The following CAPN7 variants were observed in gnomAD, a reference collection of about 807,000 sequenced individuals.
CAPN7 encodes calpain 7.
CAPN7 carries 72 observed loss-of-function variants against 115.2 expected under a neutral mutation model. The ratio of observed to expected loss-of-function variants is 0.63; its 90% CI spans 0.52 to 0.76. The LOEUF (loss-of-function observed/expected upper bound fraction) is 0.76, where lower values mean the gene tolerates loss of function less well. Ranked by LOEUF, CAPN7 falls within the 30% of genes least tolerant of loss-of-function variation. The pLI is 0.00. For synonymous variants in CAPN7, 344 were observed against 322.3 expected, an observed-to-expected ratio of 1.07 and a Z score of -0.72; for missense variants, 905 against 971.5, an observed-to-expected ratio of 0.93 and a Z score of 0.91.
chr3:15,223,352 A>T (rs143004596), intron 5 of CAPN7, 123 bp from the exon 6 acceptor site: 2 of 655,490 alleles, frequency 3.1e-6, no homozygotes, highest in African/African-American at 3.7e-5. Context: ...TATCAACAAC[A>T]TGAGGTTGTC....
chr3:15,224,032 C>T (rs1241665664), intron 6 of CAPN7, among the ~76,000 whole-genome samples: 2 of 152,068 alleles, frequency 1.3e-5, no homozygotes, highest in East Asian at 1.9e-4. Flanking sequence ...TTCAGGAGTC[C>T]GAGCTTGTAG....
intron 4 of CAPN7, 31 bp from the exon 5 acceptor site, chr3:15,220,749 CT>C: frequency 6.2e-6 from 10 of 1,601,022 alleles, no homozygotes; most frequent in Non-Finnish European, 7.7e-6. Context: ...AGTAGAAAAA[CT>C]AGAACAGTTG....
chr3:15,234,912 G>T (rs979679123), intron 11 of CAPN7, 113 bp from the exon 12 acceptor site: 8 of 737,608 alleles, frequency 1.1e-5, no homozygotes, highest in South Asian at 2.7e-5. Context: ...AAATTCTTCA[G>T]GGGTAGGAAC....
Position 15,206,374 on chromosome 3 carries a change from T to C in CAPN7, c.-122T>C. On this transcript the variant is annotated 5_prime_UTR_variant, in exon 1 of 21. Transcript: ENST00000253693. Reference sequence around the variant, plus strand: ...GCGAGCTCTCCTCCACCGTCCAAAGTAAACTTTGCCGCTCCTTCCGCGGCG... The same window carrying C: ...GCGAGCTCTCCTCCACCGTCCAAAGCAAACTTTGCCGCTCCTTCCGCGGCG... 1.4e-6 allele frequency: 1 copy of C among 695,132 alleles called. No homozygotes were observed. The highest frequency in any genetic ancestry group is 2.4e-6 in the Non-Finnish European group (1 of 414,376). The allele number at this position is 695,132 out of a possible 1,614,324, so 43.1% of individuals were successfully genotyped here. A position where few individuals can be genotyped will look rare whatever the true frequency, so the allele number is the denominator to read the frequency against.
In CAPN7 at chr3:15,227,960, A is replaced by G. The variant is rs1694426672; in HGVS notation, c.847A>G (p.Lys283Glu). The change falls in exon 7 of 21, where the codon AAG (lysine) becomes GAG (glutamate). Residue 283 changes from lysine (K) to glutamate (E), a missense_variant. By Grantham distance (56) the Lys-to-Glu change is moderately conservative (BLOSUM62 1). Transcript: ENST00000253693. The part of the protein sequence containing the change: ...MIYTVSSFSI[K>E]QTIVSDCSFV... ...ATATACTGTGTCCAGTTTTAGCATA[A>G]AGCAGGTGAGCATTTATTTTGTATG... 6.9e-7 allele frequency: 1 copy of G among 1,442,246 alleles called. No individual in the cohort carries two copies. Among genetic ancestry groups the G allele is most frequent in the Non-Finnish European group, 9.1e-7 (1 of 1,093,472 alleles). The allele number at this position is 1,442,246 out of a possible 1,614,324, so 89.3% of individuals were successfully genotyped here.
chr3:15,231,532 C>T (rs958944319), intron 9 of CAPN7, among the ~76,000 whole-genome samples: 2 of 151,436 alleles, frequency 1.3e-5, no homozygotes, highest in African/African-American at 4.8e-5. Context: ...TCTCTGAGAA[C>T]ACTTTTTTTT....
In CAPN7 at chr3:15,241,456, T is replaced by C. The variant is rs144933361; in HGVS notation, c.1656T>C (p.Thr552=). The stretch of plus-strand genomic sequence containing the variant: ...CTTTGTTGACTTTATCTTTTAGTAC[T>C]TGGGATGCTAAGCAAGGACCTGTGA... ...LFKESTCIHS[T]WDAKQGPVKD... The change falls in exon 15 of 21, where the codon ACT becomes ACC. Residue 552 remains threonine (T), a synonymous_variant. Coordinates refer to ENST00000253693, the MANE Select transcript of CAPN7 (RefSeq NM_014296.3). The C allele has an allele frequency of 2.5e-6, 4 of 1,613,488 alleles. No homozygotes were observed. The African/African-American group carries it at 5.3e-5, about 22-fold the overall frequency.
chr3:15,220,396 A>G (rs137886031), intron 4 of CAPN7, among the ~76,000 whole-genome samples: 1 of 152,178 alleles, frequency 6.6e-6, no homozygotes, highest in Non-Finnish European at 1.5e-5. Flanking sequence ...TTAAGTGAAT[A>G]ACTTCTGTTG....
intron 6 of CAPN7, 32 bp from the exon 7 acceptor site, chr3:15,227,807 T>A (rs891222370): frequency 1.5e-6 from 2 of 1,352,070 alleles, no homozygotes; most frequent in African/African-American, 3.0e-5. Flanking sequence ...TTAAGATTAA[T>A]TTTTTTATTT....
chr3:15,236,412 TAAAC>T (rs1168067473), intron 12 of CAPN7, among the ~76,000 whole-genome samples: 1 of 152,196 alleles, frequency 6.6e-6, no homozygotes, highest in Non-Finnish European at 1.5e-5. Context: ...AAAAGATTAT[TAAAC>T]AAGTACTATT....
chr3:15,242,091 A>G (rs1172108032), intron 15 of CAPN7, 87 bp from the exon 16 acceptor site: 3 of 822,494 alleles, frequency 3.6e-6, no homozygotes, highest in Non-Finnish European at 5.9e-6. Flanking sequence ...GGAGAGATTT[A>G]GAGCATTTTT....
chr3:15,230,308 T>A, intron 8 of CAPN7, 134 bp from the exon 9 acceptor site: 1 of 511,732 alleles, frequency 2.0e-6, no homozygotes, highest in Non-Finnish European at 3.6e-6. Context: ...CTAGGCCTAT[T>A]GTAGGAAAAT....
rs529805644 is a variant in CAPN7, at chr3:15,206,425, C to T, written c.-71C>T. The T allele has an allele frequency of 1.2e-5, 14 of 1,208,802 alleles. No individual in the cohort carries two copies. The African/African-American group carries it at 1.4e-4, about 12-fold the overall frequency. The allele number at this position is 1,208,802 out of a possible 1,614,324, so 74.9% of individuals were successfully genotyped here. On this transcript the variant is annotated 5_prime_UTR_variant, in exon 1 of 21. Transcript: ENST00000253693. ...CTCCCGAGTCCTCGCCGCCGCCGGG[C>T]CGCCGCAGTCCGCGAAGAGCCGTCC... is the stretch of plus-strand genomic sequence containing the variant.
intron 4 of CAPN7, among the ~76,000 whole-genome samples, 157 bp downstream of exon 4, chr3:15,218,697 C>G (rs749727098): frequency 8.5e-5 from 13 of 152,246 alleles, no homozygotes; most frequent in Non-Finnish European, 1.8e-4. Flanking sequence ...AATTTACCTC[C>G]TCTCTCTAGT....
At chr3:15,250,829 A>G in intron 19 of CAPN7, 102 bp from the exon 20 acceptor site, 1 of 797,578 alleles carries the variant, frequency 1.3e-6, no homozygotes, top group Non-Finnish European at 2.1e-6. Flanking sequence ...GAAACTTCAG[A>G]AACATAAACT....
chr3:15,240,947 G>A (rs1471644393), intron 14 of CAPN7, 94 bp downstream of exon 14: 15 of 771,656 alleles, frequency 1.9e-5, no homozygotes, highest in Non-Finnish European at 4.3e-6. Context: ...GCTCATGCCT[G>A]TAATCCCAGC....
chr3:15,238,904 G>A (rs1695174973), intron 12 of CAPN7, among the ~76,000 whole-genome samples: 1 of 135,112 alleles, frequency 7.4e-6, no homozygotes, highest in East Asian at 2.1e-4. Context: ...TTTAGAGCTG[G>A]TTCTCTACCC....
intron 1 of CAPN7, among the ~76,000 whole-genome samples, chr3:15,206,976 G>C (rs908052319): frequency 1.3e-5 from 2 of 152,238 alleles, no homozygotes; most frequent in Non-Finnish European, 2.9e-5. Flanking sequence ...ATGCATGCTC[G>C]TTAAATAAAC....
Position 15,230,498 on chromosome 3 carries a change from A to G in CAPN7, c.995A>G (p.Tyr332Cys). The G allele has an allele frequency of 6.2e-7, 1 of 1,612,874 alleles. No individual in the cohort carries two copies. Among genetic ancestry groups the G allele is most frequent in the Non-Finnish European group, 8.5e-7 (1 of 1,179,010 alleles). Reference protein sequence around the residue: ...GEPEYNPCGKYMVKLHLNGVP... With the variant: ...GEPEYNPCGKCMVKLHLNGVP... Reference sequence around the variant, plus strand: ...CCAGAATACAATCCATGTGGGAAGTATATGGTAAAACTTCACCTCAATGGT... The same window carrying G: ...CCAGAATACAATCCATGTGGGAAGTGTATGGTAAAACTTCACCTCAATGGT... Residue 332 changes from tyrosine (Y) to cysteine (C), a missense_variant, in exon 9 of 21, where the codon TAT (tyrosine) becomes TGT (cysteine). Physicochemically the swap from Tyr to Cys is radical, Grantham distance 194 (BLOSUM62 -2). This residue lies in a region of CAPN7 where 620 missense variants were observed against 703.4 expected (regional missense o/e 0.88). Coordinates refer to ENST00000253693, the MANE Select transcript of CAPN7 (RefSeq NM_014296.3).
Sources: allele counts gnomAD v4.1 joint callset (sites outside exome capture counted in the v4.1 genomes callset), GRCh38; gene constraint gnomAD v4.1.1; regional missense constraint gnomAD v4.1.1; transcripts MANE v1.5; gene names NCBI Gene and HGNC (gene_info 2026-07-23, HGNC 2026-07-21).